PRIM2: variants seen among roughly 807,000 people sequenced by gnomAD.
PRIM2 encodes DNA primase subunit 2, also known as DNA primase large subunit.
Under a neutral mutation model 67.3 loss-of-function variants are expected in PRIM2, and 39 were observed. That is an observed-to-expected ratio of 0.58 (90% CI 0.45 to 0.76). The LOEUF (loss-of-function observed/expected upper bound fraction) is 0.76, where lower values mean the gene tolerates loss of function less well. Ranked by LOEUF, PRIM2 falls within the 30% of genes least tolerant of loss-of-function variation. The pLI is 0.00. For synonymous variants in PRIM2, 143 were observed against 198.7 expected, an observed-to-expected ratio of 0.72 and a Z score of 2.36; for missense variants, 398 against 598.7, an observed-to-expected ratio of 0.66 and a Z score of 3.50.
chr6:57,499,622 A>T (rs1415617371), intron 7 of PRIM2, among the ~76,000 whole-genome samples: 1 of 152,184 alleles, frequency 6.6e-6, no homozygotes, highest in Non-Finnish European at 1.5e-5. Flanking sequence ...TCCATAAAAA[A>T]CACACGTTTC....
chr6:57,542,001 A>T (rs1775168683), intron 10 of PRIM2, among the ~76,000 whole-genome samples: 1 of 129,592 alleles, frequency 7.7e-6, no homozygotes, highest in Non-Finnish European at 1.6e-5. Context: ...TTTGAGACAG[A>T]GTCTCGCTCT....
intron 5 of PRIM2, among the ~76,000 whole-genome samples, chr6:57,377,438 C>T (rs1251019367): frequency 2.0e-5 from 3 of 149,530 alleles, no homozygotes; most frequent in African/African-American, 4.9e-5. Flanking sequence ...TATGTGTGGA[C>T]TATATTGAAG....
chr6:57,339,227 C>G (rs570614751), intron 5 of PRIM2, among the ~76,000 whole-genome samples: 1 of 152,192 alleles, frequency 6.6e-6, no homozygotes, highest in Non-Finnish European at 1.5e-5. Context: ...AATGGAAGAA[C>G]ATTCCATGCT....
chr6:57,615,550 A>G lies in PRIM2; in HGVS notation c.1230+9093A>G, dbSNP rs1194224151. Among the ~76,000 whole-genome samples the G allele has an allele frequency of 2.4e-4, 36 of 152,310 alleles. 1 individual carries two copies. The South Asian group carries it at 7.5e-3, about 32-fold the overall frequency. On this transcript the variant is annotated intron_variant, in intron 12 of 13. Coordinates refer to ENST00000615550, the MANE Select transcript of PRIM2 (RefSeq NM_000947.5). Reference sequence around the variant, plus strand: ...GTGGAAAGATGCATATGAAATTTTCAAATTGTACTTTGTTTCATGGACTTA... The same window carrying G: ...GTGGAAAGATGCATATGAAATTTTCGAATTGTACTTTGTTTCATGGACTTA...
intron 5 of PRIM2, among the ~76,000 whole-genome samples, chr6:57,338,570 A>G (rs959757625): frequency 2.0e-5 from 3 of 151,446 alleles, no homozygotes; most frequent in African/African-American, 7.3e-5. Flanking sequence ...AAATCAATAA[A>G]TGTAATCCAG....
chr6:57,318,849 A>T (rs1331040255), intron 2 of PRIM2, among the ~76,000 whole-genome samples: 1 of 152,206 alleles, frequency 6.6e-6, no homozygotes, highest in Admixed American at 6.5e-5. Flanking sequence ...GGATTTTGAG[A>T]TGAATAATGT....
At chr6:57,442,035 G>C (rs966548514) in intron 7 of PRIM2, among the ~76,000 whole-genome samples, 1 of 152,074 alleles carries the variant, frequency 6.6e-6, no homozygotes, top group Non-Finnish European at 1.5e-5. Flanking sequence ...CAAGAAACAA[G>C]AAAATGAAGA....
chr6:57,268,968 A>AT, the PRIM2 span, among the ~76,000 whole-genome samples: 4 of 150,432 alleles, frequency 2.7e-5, no homozygotes, highest in East Asian at 5.9e-4. Flanking sequence ...TGAACTCATC[A>AT]TTTTTTATGG....
At chr6:57,256,631 T>TACACAC in the PRIM2 span, among the ~76,000 whole-genome samples, 135 of 141,030 alleles carry the variant, frequency 9.6e-4, no homozygotes, top group African/African-American at 2.6e-3. Flanking sequence ...CTCTTTCTCT[T>TACACAC]ACACACACAC....
chr6:57,450,669 A>G (rs1414849747), intron 7 of PRIM2, among the ~76,000 whole-genome samples: 1 of 152,222 alleles, frequency 6.6e-6, no homozygotes, highest in Non-Finnish European at 1.5e-5. Context: ...CATCATTGGC[A>G]GCTTTTTGTT....
chr6:57,312,225 G>A (rs1394598139), upstream of PRIM2, among the ~76,000 whole-genome samples: 2 of 152,146 alleles, frequency 1.3e-5, no homozygotes, highest in Non-Finnish European at 2.9e-5. Flanking sequence ...AAAAGGTCAA[G>A]TGTGGTGGCT....
intron 7 of PRIM2, among the ~76,000 whole-genome samples, chr6:57,460,145 A>G (rs1156399172): frequency 1.3e-5 from 2 of 149,754 alleles, no homozygotes; most frequent in Admixed American, 1.3e-4. Flanking sequence ...CTCCATACAG[A>G]CCAGGGGTCT....
At chr6:57,225,740 A>G in the PRIM2 span, among the ~76,000 whole-genome samples, 1 of 152,202 alleles carries the variant, frequency 6.6e-6, no homozygotes, top group African/African-American at 2.4e-5. Flanking sequence ...AAAAACAGAA[A>G]AATCAGAAAA....
At chr6:57,502,839 G>T (rs1397317697) in intron 7 of PRIM2, among the ~76,000 whole-genome samples, 1 of 152,170 alleles carries the variant, frequency 6.6e-6, no homozygotes, top group East Asian at 1.9e-4. Context: ...TGGGCTACTT[G>T]TTTCTTTTGA....
At chr6:57,378,552 T>A (rs1442649980) in intron 5 of PRIM2, among the ~76,000 whole-genome samples, 1 of 152,202 alleles carries the variant, frequency 6.6e-6, no homozygotes, top group Non-Finnish European at 1.5e-5. Context: ...GTGCTTGACA[T>A]TGTATTTGGA....
At chr6:57,303,341 G>A in the PRIM2 span, among the ~76,000 whole-genome samples, 1 of 151,802 alleles carries the variant, frequency 6.6e-6, no homozygotes, top group Middle Eastern at 3.2e-3. Flanking sequence ...GTGAATCACT[G>A]TCATCATATT....
intron 10 of PRIM2, among the ~76,000 whole-genome samples, chr6:57,564,258 A>G (rs1395020757): frequency 1.3e-4 from 20 of 152,242 alleles, no homozygotes. Context: ...GAATGTGTTT[A>G]AACTATTAAT....
chr6:57,542,964 G>T, intron 10 of PRIM2, among the ~76,000 whole-genome samples: 1 of 16,674 alleles, frequency 6.0e-5, no homozygotes, highest in Non-Finnish European at 1.1e-4. Flanking sequence ...TTTTTGAGAC[G>T]GAGTCTCGCT....
At chr6:57,485,817 C>T (rs1355649674) in intron 7 of PRIM2, among the ~76,000 whole-genome samples, 3 of 152,136 alleles carry the variant, frequency 2.0e-5, no homozygotes, top group Non-Finnish European at 4.4e-5. Flanking sequence ...ATGAAAACTC[C>T]ATGCTGTGTT....
Sources: allele counts gnomAD v4.1 joint callset (sites outside exome capture counted in the v4.1 genomes callset), GRCh38; gene constraint gnomAD v4.1.1; transcripts MANE v1.5; gene names NCBI Gene and HGNC (gene_info 2026-07-23, HGNC 2026-07-21).